The following CREM variants were observed in gnomAD, a reference collection of about 807,000 sequenced individuals.
The protein encoded by CREM is cAMP-responsive element modulator.
CREM carries 13 observed loss-of-function variants against 37.3 expected under a neutral mutation model. The ratio of observed to expected loss-of-function variants is 0.35; its 90% CI spans 0.23 to 0.55. CREM has a LOEUF of 0.55. Ranked by LOEUF, CREM falls within the 20% of genes least tolerant of loss-of-function variation. CREM has a pLI of 0.88. For synonymous variants in CREM, 124 were observed against 120.2 expected, an observed-to-expected ratio of 1.03 and a Z score of -0.21; for missense variants, 296 against 362.3, an observed-to-expected ratio of 0.82 and a Z score of 1.49.
chr10:35,172,527 A>G (rs2093869794), intron 3 of CREM, among the ~76,000 whole-genome samples: 1 of 151,694 alleles, frequency 6.6e-6, no homozygotes, highest in Non-Finnish European at 1.5e-5. Context: ...CAGTGACACA[A>G]ACTGTGTTAG....
intron 6 of CREM, among the ~76,000 whole-genome samples, chr10:35,197,627 T>G (rs972393333): frequency 6.6e-6 from 1 of 151,942 alleles, no homozygotes; most frequent in Non-Finnish European, 1.5e-5. Context: ...TAATTTTGTT[T>G]TTTTGTATTT....
At chr10:35,129,730 ATATTTT>A (rs2088934405) in intron 1 of CREM, among the ~76,000 whole-genome samples, 2 of 152,204 alleles carry the variant, frequency 1.3e-5, no homozygotes, top group East Asian at 1.9e-4. Context: ...ACAACCATTG[ATATTTT>A]TATATTTCCT....
At chr10:35,190,313 C>T (rs959715330) in intron 6 of CREM, among the ~76,000 whole-genome samples, 1 of 152,122 alleles carries the variant, frequency 6.6e-6, no homozygotes, top group Non-Finnish European at 1.5e-5. Flanking sequence ...CTGGGCTTCA[C>T]TTCTGTATAT....
intron 7 of CREM, among the ~76,000 whole-genome samples, chr10:35,207,598 A>G (rs2095563820): frequency 6.6e-6 from 1 of 151,906 alleles, no homozygotes; most frequent in Non-Finnish European, 1.5e-5. Flanking sequence ...ATATGACGAA[A>G]CCCTGTCTCT....
Position 35,148,359 on chromosome 10 carries a change from T to C in CREM, c.45-9T>C, listed in dbSNP as rs1454204063. The C allele has an allele frequency of 1.2e-6, 2 of 1,605,730 alleles. No homozygotes were observed. The highest frequency in any genetic ancestry group is 4.5e-5 in the East Asian group (2 of 44,398). On this transcript the variant is annotated splice_polypyrimidine_tract_variant and intron_variant, in intron 2 of 7. Coordinates refer to ENST00000685392, the MANE Select transcript of CREM (RefSeq NM_183011.2). ...CCTTAATTTGTCTTCCTTTTTATTG[T>C]CTTTTCAGACAAATGACCATGGAAA...
intron 6 of CREM, among the ~76,000 whole-genome samples, chr10:35,191,721 C>T (rs1323586941): frequency 6.6e-6 from 1 of 152,150 alleles, no homozygotes; most frequent in African/African-American, 2.4e-5. Context: ...TGTTGCTGGG[C>T]TAAGCTTCCC....
At chr10:35,174,737 T>C (rs2093973444) in intron 3 of CREM, among the ~76,000 whole-genome samples, 1 of 152,234 alleles carries the variant, frequency 6.6e-6, no homozygotes, top group Non-Finnish European at 1.5e-5. Flanking sequence ...TCTGCAATTA[T>C]GCTAGCCTAT....
At chr10:35,180,348 T>G (rs2094301744) in intron 5 of CREM, among the ~76,000 whole-genome samples, 2 of 152,200 alleles carry the variant, frequency 1.3e-5, no homozygotes, top group Non-Finnish European at 2.9e-5. Context: ...AAAAAAAAAC[T>G]CAAGTCTTAA....
chr10:35,207,567 A>T (rs2095562487), intron 7 of CREM, among the ~76,000 whole-genome samples: 1 of 152,148 alleles, frequency 6.6e-6, no homozygotes, highest in South Asian at 2.1e-4. Flanking sequence ...CAAGGTCAAG[A>T]GATTGAGACC....
At chr10:35,207,771 TA>T (rs58994923) in intron 7 of CREM, among the ~76,000 whole-genome samples, 20,486 of 148,026 alleles carry the variant, frequency 0.14, 1,564 homozygotes, top group South Asian at 0.2. Context: ...GACTCCGTCT[TA>T]AAAAAAAAAA....
chr10:35,192,462 C>T (rs1430486488), intron 6 of CREM, among the ~76,000 whole-genome samples: 2 of 152,180 alleles, frequency 1.3e-5, no homozygotes, highest in African/African-American at 4.8e-5. Context: ...ATTTCTCCTG[C>T]CTCAGCTTCC....
At chr10:35,176,409 C>CTTTT (rs773627501) in intron 3 of CREM, among the ~76,000 whole-genome samples, 1 of 133,138 alleles carries the variant, frequency 7.5e-6, no homozygotes, top group African/African-American at 2.7e-5. Context: ...TTTTTTTCTT[C>CTTTT]TTTTTTTTTT....
At chr10:35,187,215 AT>A (rs1033161384) in intron 5 of CREM, among the ~76,000 whole-genome samples, 1 of 105,100 alleles carries the variant, frequency 9.5e-6, no homozygotes, top group Non-Finnish European at 1.8e-5. Flanking sequence ...TATATTATAT[AT>A]TTATATATAT....
chr10:35,153,539 C>T (rs887328055), intron 3 of CREM, among the ~76,000 whole-genome samples: 13 of 152,104 alleles, frequency 8.5e-5, no homozygotes, highest in Non-Finnish European at 2.9e-5. Flanking sequence ...TTTCTTGTTC[C>T]TAGACTCTTG....
At chr10:35,129,083 C>A (rs944326535) in intron 1 of CREM, among the ~76,000 whole-genome samples, 16 of 152,212 alleles carry the variant, frequency 1.1e-4, no homozygotes, top group African/African-American at 3.9e-4. Flanking sequence ...AGTATTCACA[C>A]AACTTTGGCG....
At chr10:35,173,699 T>C (rs1216539552) in intron 3 of CREM, among the ~76,000 whole-genome samples, 1 of 152,216 alleles carries the variant, frequency 6.6e-6, no homozygotes, top group East Asian at 1.9e-4. Flanking sequence ...ATGTCATCCA[T>C]TGGCAGCTTG....
At chr10:35,196,785 C>G (rs2095190230) in intron 6 of CREM, among the ~76,000 whole-genome samples, 1 of 151,466 alleles carries the variant, frequency 6.6e-6, no homozygotes, top group Admixed American at 6.6e-5. Context: ...CCAAGCCTTT[C>G]ATTCCTATTA....
intron 3 of CREM, chr10:35,158,348 G>A (rs2093044636): frequency 9.3e-6 from 2 of 215,116 alleles, no homozygotes; most frequent in Admixed American, 5.9e-5. Flanking sequence ...GCTACAGACC[G>A]AGAAGCAGGC....
At chr10:35,161,505 A>G (rs1316722149) in intron 3 of CREM, among the ~76,000 whole-genome samples, 1 of 151,842 alleles carries the variant, frequency 6.6e-6, no homozygotes, top group African/African-American at 2.4e-5. Context: ...AAAACAAAAA[A>G]TAAAAAAAAT....
Sources: gnomAD v4.1 joint callset for allele counts (sites outside exome capture counted in the v4.1 genomes callset) on GRCh38, gnomAD v4.1.1 for gene constraint, MANE v1.5 for transcripts, NCBI Gene and HGNC (gene_info 2026-07-23, HGNC 2026-07-21) for gene names.